WAPL: variants seen among roughly 807,000 people sequenced by gnomAD.
WAPL encodes the protein WAPL cohesin release factor, also known as wings apart-like protein homolog.
A neutral mutation model predicts 121.0 loss-of-function variants in WAPL; 5 were observed. The ratio of observed to expected loss-of-function variants is 0.04; its 90% CI spans 0.02 to 0.09. The LOEUF is 0.09. WAPL is among the 10% of genes least tolerant of loss of function. The pLI, the probability that WAPL is intolerant of heterozygous loss-of-function variation, is 1.00. For missense variants in WAPL, 999 were observed against 1,410.8 expected, an observed-to-expected ratio of 0.71 and a Z score of 4.68; for synonymous variants, 480 against 481.5, an observed-to-expected ratio of 1.00 and a Z score of 0.04.
In WAPL at chr10:86,481,213, G is replaced by A. The variant is rs534043085; in HGVS notation, c.1645-7240C>T. ...ACATGTAAGAGAATGGAGGAAGACAGAAACTAAAGAAAAAAAATCTAAAAC... is the reference window on the plus strand; with the variant it reads ...ACATGTAAGAGAATGGAGGAAGACAAAAACTAAAGAAAAAAAATCTAAAAC... On this transcript the variant is annotated intron_variant, in intron 4 of 18. Transcript: ENST00000298767. Among the ~76,000 whole-genome samples, 153 of 151,838 alleles carry A rather than the reference G, an allele frequency of 1.0e-3. 1 individual carries two copies. The highest frequency in any genetic ancestry group is 3.5e-3 in the African/African-American group (146 of 41,428).
intron 2 of WAPL, among the ~76,000 whole-genome samples, chr10:86,506,013 T>C (rs1399724050): frequency 6.6e-6 from 1 of 152,100 alleles, no homozygotes; most frequent in African/African-American, 2.4e-5. Context: ...TACCAACACT[T>C]TGGGAGGCCA....
intron 4 of WAPL, 114 bp downstream of exon 4, chr10:86,497,087 T>C (rs1842163967): frequency 1.1e-6 from 1 of 871,400 alleles, no homozygotes; most frequent in Non-Finnish European, 1.8e-6. Context: ...CTTACACATA[T>C]CCTTTGAAAG....
rs1441651648 is a variant in WAPL, at chr10:86,452,084, C to T, written c.2997G>A (p.Arg999=). 1.9e-6 allele frequency: 3 copies of T among 1,614,028 alleles called. No homozygotes were observed. The highest frequency in any genetic ancestry group is 4.5e-5 in the East Asian group (2 of 44,880). ...INLVEYSARN[R]HCLVNMETSC... ...ATGTTTCCATGTTGACAAGACAGTG[C>T]CGATTCCGAGCACTATACTCCACTA... is the stretch of plus-strand genomic sequence containing the variant. The change falls in exon 15 of 19, where the codon CGG becomes CGA. Residue 999 remains arginine, a synonymous_variant. Coordinates refer to ENST00000298767, the MANE Select transcript of WAPL (RefSeq NM_015045.5).
rs751324292 is a variant in WAPL at position 86,499,708 on chromosome 10, A to T, written c.1525+10T>A. The T allele has an allele frequency of 1.3e-5, 20 of 1,539,124 alleles. No individual in the cohort carries two copies. Among genetic ancestry groups the T allele is most frequent in the Middle Eastern group, 1.8e-4 (1 of 5,706 alleles). On this transcript the variant is annotated intron_variant, in intron 3 of 18. Coordinates refer to ENST00000298767, the MANE Select transcript of WAPL (RefSeq NM_015045.5). ...ATTGTACTTATTATACATATTTTTT[A>T]AATTCTTACCTGCATTGTTAGTACC... is the stretch of plus-strand genomic sequence containing the variant.
At chr10:86,486,737 C>CT (rs1372744296) in intron 4 of WAPL, among the ~76,000 whole-genome samples, 1 of 152,136 alleles carries the variant, frequency 6.6e-6, no homozygotes, top group Non-Finnish European at 1.5e-5. Flanking sequence ...CGGCAGATGG[C>CT]TAGACTCAGG....
intron 15 of WAPL, among the ~76,000 whole-genome samples, chr10:86,451,721 T>C (rs570975707): frequency 1.3e-5 from 2 of 152,244 alleles, no homozygotes; most frequent in Admixed American, 6.5e-5. Flanking sequence ...GGTTACAAAT[T>C]CTGGTTTAAA....
intron 4 of WAPL, among the ~76,000 whole-genome samples, chr10:86,481,605 TTAGGTGATCTG>T (rs746513822): frequency 1.4e-4 from 22 of 152,150 alleles, no homozygotes; most frequent in Admixed American, 2.0e-4. Flanking sequence ...ACTCCTGACC[TTAGGTGATCTG>T]CCTGCTTTGG....
chr10:86,481,461 C>T (rs1841784357), intron 4 of WAPL, among the ~76,000 whole-genome samples: 1 of 152,178 alleles, frequency 6.6e-6, no homozygotes, highest in Admixed American at 6.5e-5. Context: ...GCAACCTCCG[C>T]CTCCCAGATT....
Position 86,521,643 on chromosome 10 carries a change from TGCCCCCGCTGG to T in WAPL, c.-312_-302del. On this transcript the variant is annotated 5_prime_UTR_variant, in exon 1 of 19. An upstream open reading frame in the 5' UTR loses its in-frame stop. Transcript: ENST00000298767. ...GGAGCTGGTAACAGAGCCTGCTGTG[TGCCCCCGCTGG>T]GCCGCCGCCGCCTCCTGCGCCGCCG... 2.2e-6 allele frequency: 1 copy of T among 461,414 alleles called. No individual in the cohort carries two copies. Among genetic ancestry groups the T allele is most frequent in the Non-Finnish European group, 4.5e-6 (1 of 223,788 alleles). The allele number at this position is 461,414 out of a possible 1,614,324, so 28.6% of individuals were successfully genotyped here. A position where few individuals can be genotyped will look rare whatever the true frequency, so the allele number is the denominator to read the frequency against.
Position 86,472,515 on chromosome 10 carries a change from G to GT in WAPL, c.1893+96dup. On this transcript the variant is annotated intron_variant, in intron 6 of 18. Coordinates refer to ENST00000298767, the MANE Select transcript of WAPL (RefSeq NM_015045.5). This position sits in a 1 kb window ranked among gnomAD's most constrained non-coding sequence, Gnocchi z 4.2. ...AAAGAAGTTTGTGGTTCAAAACTGAGTATCAGTATACTGATATTTGTTGAA... is the reference window on the plus strand; with the variant it reads ...AAAGAAGTTTGTGGTTCAAAACTGAGTTATCAGTATACTGATATTTGTTGAA... 1 of 1,515,464 alleles carries GT rather than the reference G, an allele frequency of 6.6e-7. No homozygotes were observed. Among genetic ancestry groups the GT allele is most frequent in the South Asian group, 1.3e-5 (1 of 79,776 alleles). 93.9% of individuals were successfully genotyped at this position (1,515,464 alleles called of 1,614,324 possible). A position where few individuals can be genotyped will look rare whatever the true frequency, so the allele number is the denominator to read the frequency against.
intron 2 of WAPL, among the ~76,000 whole-genome samples, chr10:86,503,873 G>A (rs1194407625): frequency 1.3e-5 from 2 of 152,168 alleles, no homozygotes; most frequent in African/African-American, 2.4e-5. Context: ...TGTCCCAGTA[G>A]AAAATGGCGC....
chr10:86,449,423 T>C (rs1589494833), intron 15 of WAPL, among the ~76,000 whole-genome samples: 1 of 152,124 alleles, frequency 6.6e-6, no homozygotes, highest in African/African-American at 2.4e-5. Context: ...TTTAAACTGA[T>C]TTAAAAATGA....
In WAPL at chr10:86,473,178, T is replaced by C. The variant is rs1455892347; in HGVS notation, c.1741-414A>G. Among the ~76,000 whole-genome samples, 3 of 152,150 alleles carry C rather than the reference T, an allele frequency of 2.0e-5. No individual in the cohort carries two copies. In the East Asian group the frequency reaches 5.8e-4, roughly 29 times the overall value. On this transcript the variant is annotated intron_variant, in intron 5 of 18. Coordinates refer to ENST00000298767, the MANE Select transcript of WAPL (RefSeq NM_015045.5). ...TGAAGTAGTTTAGGGTAAAAATAAATAGCTATAACAGGAGCATGCTATATT... is the reference window on the plus strand; with the variant it reads ...TGAAGTAGTTTAGGGTAAAAATAAACAGCTATAACAGGAGCATGCTATATT...
chr10:86,455,134 C>T (rs1420343971), intron 12 of WAPL, among the ~76,000 whole-genome samples: 9 of 150,756 alleles, frequency 6.0e-5, no homozygotes, highest in Non-Finnish European at 8.9e-5. Flanking sequence ...CCGGCCACCC[C>T]GTCTGGGAAG....
At chr10:86,511,236 C>T (rs1482371337) in intron 2 of WAPL, among the ~76,000 whole-genome samples, 1 of 152,110 alleles carries the variant, frequency 6.6e-6, no homozygotes, top group African/African-American at 2.4e-5. Context: ...TGCATGAGCC[C>T]AGGAGTTTGA....
intron 2 of WAPL, among the ~76,000 whole-genome samples, chr10:86,506,575 T>C (rs1564587807): frequency 6.6e-6 from 1 of 151,958 alleles, no homozygotes; most frequent in Non-Finnish European, 1.5e-5. Context: ...ATCACTTGCA[T>C]CCAGGAGTCA....
At chr10:86,510,434 A>G (rs1842439422) in intron 2 of WAPL, among the ~76,000 whole-genome samples, 1 of 152,200 alleles carries the variant, frequency 6.6e-6, no homozygotes, top group South Asian at 2.1e-4. Flanking sequence ...AGCATAATGT[A>G]TTATATAAAA....
intron 4 of WAPL, among the ~76,000 whole-genome samples, chr10:86,474,253 C>G (rs1841601062): frequency 6.6e-6 from 1 of 152,170 alleles, no homozygotes; most frequent in South Asian, 2.1e-4. Context: ...GTGGCTCACA[C>G]CTGCAATCCC....
chr10:86,440,011 TAATCATA>T (rs1242104683), intron 17 of WAPL, among the ~76,000 whole-genome samples: 1 of 152,246 alleles, frequency 6.6e-6, no homozygotes, highest in Non-Finnish European at 1.5e-5. Flanking sequence ...TTTTTGGTGT[TAATCATA>T]ATAATCTCCA....
Sources: gnomAD v4.1 joint callset for allele counts (sites outside exome capture counted in the v4.1 genomes callset) on GRCh38, gnomAD v4.1.1 for gene constraint, Gnocchi (gnomAD v3.1) non-coding constraint, MANE v1.5 for transcripts, NCBI Gene and HGNC (gene_info 2026-07-23, HGNC 2026-07-21) for gene names.